The following CDH15 variants were observed in gnomAD, a reference collection of about 807,000 sequenced individuals.
CDH15 encodes cadherin-15.
A neutral mutation model predicts 69.4 loss-of-function variants in CDH15; 73 were observed. The ratio of observed to expected loss-of-function variants is 1.05; its 90% confidence interval spans 0.87 to 1.28. The LOEUF is 1.28. Ranked by LOEUF, CDH15 falls within the 50% of genes most tolerant of loss-of-function variation. CDH15 has a pLI of 0.00. For synonymous variants in CDH15, 624 were observed against 507.7 expected (o/e 1.23, Z -3.08); for missense variants, 1,343 against 1,133.6 (o/e 1.18, Z -2.65).
At chr16:89,183,433 C>G (rs1915418505) in intron 3 of CDH15, 115 bp from the exon 4 acceptor site, 2 of 1,221,360 alleles carry the variant, frequency 1.6e-6, no homozygotes, top group South Asian at 1.3e-5. Context: ...CCTGTTTAAG[C>G]TGGTGTTTCC....
Position 89,195,115 on chromosome 16 carries a change from C to T in CDH15, c.2405C>T (p.Pro802Leu), listed in dbSNP as rs768084629. The stretch of plus-strand genomic sequence containing the variant: ...CACCAGGCCAGGGAGGGTCTTTCTC[C>T]TGGGGCACTGCTACCCAGACACAGA... ...WDHQAREGLS[P>L]GALLPRHRGR... Residue 802 changes from proline to leucine, a missense_variant, in exon 14 of 14, where the codon CCT becomes CTT. By Grantham distance (98) the Pro-to-Leu change is moderately conservative. Transcript: ENST00000289746. 6.2e-7 allele frequency: 1 copy of T among 1,606,434 alleles called. No homozygotes were observed.
rs1340516413 is a variant in CDH15 at position 89,190,293 on chromosome 16, G to A, written c.1029G>A (p.Gln343=). 6.2e-7 allele frequency: 1 copy of A among 1,612,680 alleles called. No individual in the cohort carries two copies. Among genetic ancestry groups the A allele is most frequent in the East Asian group, 2.2e-5 (1 of 44,856 alleles). Reference sequence around the variant, plus strand: ...ACTACGAACTCAAAGTGTCGGTGCAGAATGAGGCCCCGCTGCAGGCGGCTG... The same window carrying A: ...ACTACGAACTCAAAGTGTCGGTGCAAAATGAGGCCCCGCTGCAGGCGGCTG... ...CEHYELKVSV[Q]NEAPLQAAAL... The change falls in exon 8 of 14, where the codon CAG becomes CAA. Residue 343 remains glutamine, a synonymous_variant. Coordinates refer to ENST00000289746, the MANE Select transcript of CDH15 (RefSeq NM_004933.3).
rs760311970 is a variant in CDH15, at chr16:89,188,273, G to C, written c.966G>C (p.Leu322=). 3 of 1,613,308 alleles carry C rather than the reference G, an allele frequency of 1.9e-6. No individual in the cohort carries two copies. In the South Asian group the frequency reaches 3.3e-5, roughly 18 times the overall value. The part of the protein sequence containing the change: ...RTDPKTNEGV[L]SIVKALDYES... ...ACCCCAAGACCAACGAGGGTGTTCT[G>C]TCCATTGTGAAGGTGAGCGGCCCCC... Residue 322 remains leucine, a synonymous_variant, in exon 7 of 14, where the codon CTG becomes CTC. Coordinates refer to ENST00000289746, the MANE Select transcript of CDH15 (RefSeq NM_004933.3).
In CDH15 at chr16:89,179,630, C is replaced by T; in HGVS notation, c.201+56C>T. 3 of 1,490,052 alleles carry T rather than the reference C, an allele frequency of 2.0e-6. No homozygotes were observed. In the South Asian group the frequency reaches 4.0e-5, roughly 20 times the overall value. The allele number at this position is 1,490,052 out of a possible 1,614,324, so 92.3% of individuals were successfully genotyped here. A position where few individuals can be genotyped will look rare whatever the true frequency, so the allele number is the denominator to read the frequency against. ...AAGGGGTAGGCTGGTCCCCAGTGGG[C>T]CTCCCTCATTCTCTAAAGGTCTCCT... is the stretch of plus-strand genomic sequence containing the variant. On this transcript the variant is annotated intron_variant, in intron 2 of 13. Transcript: ENST00000289746.
chr16:89,178,006 C>T (rs1159569100), intron 1 of CDH15, among the ~76,000 whole-genome samples: 1 of 152,204 alleles, frequency 6.6e-6, no homozygotes. Flanking sequence ...GGCCCAAGGC[C>T]CAGGCTAGGA....
At position 89,180,316 on chromosome 16, in the gene CDH15, C is replaced by T. The variant is rs761910970; in HGVS notation, c.318C>T (p.Leu106=). ...SIDKFTGKVF[L]NAMLDREKTD... ...ACAAGTTCACAGGGAAGGTCTTCCT[C>T]AATGCCATGCTGGACCGCGAGAAGA... is the stretch of plus-strand genomic sequence containing the variant. The change falls in exon 3 of 14, where the codon CTC becomes CTT. Residue 106 remains leucine (L), a synonymous_variant. Coordinates refer to ENST00000289746, the MANE Select transcript of CDH15 (RefSeq NM_004933.3). The T allele has an allele frequency of 1.2e-6, 2 of 1,612,678 alleles. No individual in the cohort carries two copies. The highest frequency in any genetic ancestry group is 1.7e-6 in the Non-Finnish European group (2 of 1,179,588).
At chr16:89,190,554 C>G (rs993679017) in intron 8 of CDH15, 58 bp downstream of exon 8, 1 of 1,549,984 alleles carries the variant, frequency 6.5e-7, no homozygotes, top group Admixed American at 2.0e-5. Flanking sequence ...ATTCCTGCTT[C>G]GGGTGCCCCT....
intron 4 of CDH15, among the ~76,000 whole-genome samples, chr16:89,184,889 G>A (rs1301559283): frequency 1.3e-5 from 2 of 152,196 alleles, no homozygotes; most frequent in African/African-American, 2.4e-5. Flanking sequence ...CCTGTGCTCC[G>A]ACCCCATAAA....
At position 89,171,844 on chromosome 16, in the gene CDH15, TTCC is replaced by T. The variant is rs2151596311; in HGVS notation, c.19_21del (p.Leu7del). Reference sequence around the variant, plus strand: ...CGCCTCGGCCCCGATGGACGCCGCGTTCCTCCTCGTCCTCGGGCTGTTGGCCCA... The same window carrying T: ...CGCCTCGGCCCCGATGGACGCCGCGTTCCTCGTCCTCGGGCTGTTGGCCCA... On this transcript the variant is annotated inframe_deletion, in exon 1 of 14. Coordinates refer to ENST00000289746, the MANE Select transcript of CDH15 (RefSeq NM_004933.3). The T allele has an allele frequency of 6.4e-7, 1 of 1,559,756 alleles. No homozygotes were observed. Among genetic ancestry groups the T allele is most frequent in the East Asian group, 2.4e-5 (1 of 41,778 alleles).
intron 10 of CDH15, 81 bp downstream of exon 10, chr16:89,191,975 G>A: frequency 7.3e-7 from 1 of 1,374,362 alleles, no homozygotes; most frequent in Non-Finnish European, 9.9e-7. Flanking sequence ...GGGGGCAGGA[G>A]GGTGAGGGGC....
intron 1 of CDH15, among the ~76,000 whole-genome samples, chr16:89,178,938 A>G (rs1915315361): frequency 6.6e-6 from 1 of 151,930 alleles, no homozygotes; most frequent in African/African-American, 2.4e-5. Context: ...TCAGGACCCC[A>G]CGCTCTCCCC....
intron 1 of CDH15, among the ~76,000 whole-genome samples, chr16:89,178,025 C>T (rs1008271999): frequency 6.6e-5 from 10 of 152,226 alleles, no homozygotes; most frequent in Non-Finnish European, 1.3e-4. Context: ...GAGCTGGGTA[C>T]GGTGACCGCA....
At position 89,194,934 on chromosome 16, in the gene CDH15, G is replaced by C. The variant is rs754155836; in HGVS notation, c.2224G>C (p.Asp742His). ...DTALIYDYEG[D>H]GSVAGTLSSI... ...AGCCCTCATCTATGACTACGAGGGTGACGGCTCGGTGGCGGGGACGCTGAG... is the reference window on the plus strand; with the variant it reads ...AGCCCTCATCTATGACTACGAGGGTCACGGCTCGGTGGCGGGGACGCTGAG... The change falls in exon 14 of 14, where the codon GAC (aspartate) becomes CAC (histidine). Residue 742 changes from aspartate to histidine, a missense_variant. Transcript: ENST00000289746. 9 of 1,608,786 alleles carry C rather than the reference G, an allele frequency of 5.6e-6. No individual in the cohort carries two copies. In the Admixed American group the frequency reaches 1.3e-4, roughly 24 times the overall value.
At chr16:89,172,866 C>T (rs142397292) in intron 1 of CDH15, among the ~76,000 whole-genome samples, 3 of 152,294 alleles carry the variant, frequency 2.0e-5, no homozygotes, top group Non-Finnish European at 4.4e-5. Flanking sequence ...AAGGGCTTAG[C>T]GGTGCTCACA....
At chr16:89,171,939 C>A (rs1015731224) in intron 1 of CDH15, 66 bp downstream of exon 1, 34 of 1,466,488 alleles carry the variant, frequency 2.3e-5, no homozygotes, top group Non-Finnish European at 3.1e-5. Flanking sequence ...GTGTCTTCAA[C>A]TGCAGCCGCA....
chr16:89,182,407 G>A (rs571089082), intron 3 of CDH15, among the ~76,000 whole-genome samples: 4 of 150,772 alleles, frequency 2.7e-5, no homozygotes, highest in Admixed American at 1.3e-4. Context: ...TTGGGAGGCC[G>A]AGGCGAGTGG....
At chr16:89,186,817 G>A (rs560553395) in intron 5 of CDH15, among the ~76,000 whole-genome samples, 6 of 147,054 alleles carry the variant, frequency 4.1e-5, no homozygotes, top group Non-Finnish European at 7.5e-5. Flanking sequence ...CACAGAAGGT[G>A]CTCTGTAAAC....
At position 89,171,791 on chromosome 16, in the gene CDH15, G is replaced by C; in HGVS notation, c.-41G>C. The C allele has an allele frequency of 1.3e-6, 2 of 1,541,658 alleles. No homozygotes were observed. Among genetic ancestry groups the C allele is most frequent in the East Asian group, 2.4e-5 (1 of 40,944 alleles). The stretch of plus-strand genomic sequence containing the variant: ...CACTCAGCCTGGACGCGCTTCTTCG[G>C]GTCGCGGGTGCACTCCGGCCCGGCT... On this transcript the variant is annotated 5_prime_UTR_variant, in exon 1 of 14. Coordinates refer to ENST00000289746, the MANE Select transcript of CDH15 (RefSeq NM_004933.3).
rs771607898 is a variant in CDH15, at chr16:89,191,492, TG to T, written c.1375+24del. On this transcript the variant is annotated intron_variant, in intron 9 of 13. Transcript: ENST00000289746. ...ATGACGGTGAGCGGCGCCGCCGGCT[TG>T]GGGCTCCCTGACCTGGCCTTGTCCC... The T allele has an allele frequency of 6.2e-7, 1 of 1,610,464 alleles. No homozygotes were observed. Among genetic ancestry groups the T allele is most frequent in the South Asian group, 1.1e-5 (1 of 91,010 alleles).
Sources: allele counts gnomAD v4.1 joint callset (sites outside exome capture counted in the v4.1 genomes callset), GRCh38; gene constraint gnomAD v4.1.1; transcripts MANE v1.5; gene names NCBI Gene and HGNC (gene_info 2026-07-23, HGNC 2026-07-21).